The following OR2L13 variants were observed in gnomAD, a reference collection of about 807,000 sequenced individuals.
OR2L13 encodes olfactory receptor family 2 subfamily L member 13.
A neutral mutation model predicts 15.3 loss-of-function variants in OR2L13; 14 were observed. That is an observed-to-expected ratio of 0.91 (90% confidence interval 0.60 to 1.43). The LOEUF (loss-of-function observed/expected upper bound fraction) is 1.43, where lower values mean the gene tolerates loss of function less well. Among genes scored for constraint, OR2L13 ranks in the 40% most tolerant of loss-of-function variants. The pLI, the probability that OR2L13 is intolerant of heterozygous loss-of-function variation, is 0.00. For synonymous variants in OR2L13, 152 were observed against 142.9 expected, an observed-to-expected ratio of 1.06 and a Z score of -0.45; for missense variants, 367 against 387.9, an observed-to-expected ratio of 0.95 and a Z score of 0.45.
the OR2L13 span, among the ~76,000 whole-genome samples, chr1:248,070,854 G>A: frequency 3.3e-5 from 5 of 152,046 alleles, no homozygotes; most frequent in African/African-American, 1.2e-4. Context: ...ACACCTCCAC[G>A]CAAATAGACT....
At chr1:247,976,448 A>G in the OR2L13 span, among the ~76,000 whole-genome samples, 3 of 151,580 alleles carry the variant, frequency 2.0e-5, no homozygotes, top group Non-Finnish European at 3.0e-5. Context: ...TTATTTCCAT[A>G]AAACTTATAC....
the OR2L13 span, among the ~76,000 whole-genome samples, chr1:247,938,272 T>G: frequency 6.6e-6 from 1 of 152,184 alleles, no homozygotes; most frequent in Non-Finnish European, 1.5e-5. Flanking sequence ...AAAAATGTAT[T>G]GCTAAGAGAC....
At chr1:248,001,684 C>T in the OR2L13 span, among the ~76,000 whole-genome samples, 1 of 151,854 alleles carries the variant, frequency 6.6e-6, no homozygotes, top group East Asian at 1.9e-4. Context: ...AGGCTGCTTT[C>T]CTGTCAGGAA....
chr1:247,996,276 C>T, the OR2L13 span, among the ~76,000 whole-genome samples: 8 of 151,712 alleles, frequency 5.3e-5, no homozygotes, highest in East Asian at 1.9e-4. Context: ...TGCTCTTTTA[C>T]AAACATTTGA....
the OR2L13 span, chr1:247,975,432 T>A: frequency 1.4e-6 from 1 of 718,942 alleles, no homozygotes; most frequent in Non-Finnish European, 2.6e-6. Context: ...AGAAGGCCTA[T>A]TCGACCTGTA....
the OR2L13 span, chr1:248,004,073 C>T: frequency 2.5e-6 from 4 of 1,598,260 alleles, no homozygotes; most frequent in Non-Finnish European, 2.6e-6. Context: ...AATGTAGAAA[C>T]ACTTTCTGCC....
At chr1:248,051,488 A>G in the OR2L13 span, among the ~76,000 whole-genome samples, 1 of 152,220 alleles carries the variant, frequency 6.6e-6, no homozygotes, top group African/African-American at 2.4e-5. Context: ...CAAAAACAGA[A>G]TAACAAATAC....
At chr1:248,085,814 A>G in the OR2L13 span, among the ~76,000 whole-genome samples, 3 of 152,168 alleles carry the variant, frequency 2.0e-5, no homozygotes, top group Non-Finnish European at 2.9e-5. Context: ...TTGGATCATC[A>G]GGCATTAGAT....
chr1:248,009,574 A>C, the OR2L13 span, among the ~76,000 whole-genome samples: 1 of 152,208 alleles, frequency 6.6e-6, no homozygotes, highest in South Asian at 2.1e-4. Flanking sequence ...ATGGATTCAC[A>C]GCCGAATTCT....
the OR2L13 span, among the ~76,000 whole-genome samples, chr1:248,043,923 T>C: frequency 6.6e-6 from 1 of 152,210 alleles, no homozygotes; most frequent in Non-Finnish European, 1.5e-5. Context: ...TCAATATTAT[T>C]ATCTTTAAAG....
the OR2L13 span, among the ~76,000 whole-genome samples, chr1:247,992,669 C>T: frequency 6.6e-6 from 1 of 152,152 alleles, no homozygotes; most frequent in African/African-American, 2.4e-5. Flanking sequence ...GATTATGGCC[C>T]CCAGCTCTAT....
At chr1:247,984,751 ATTT>A in the OR2L13 span, among the ~76,000 whole-genome samples, 2 of 152,178 alleles carry the variant, frequency 1.3e-5, no homozygotes, top group Non-Finnish European at 2.9e-5. Context: ...AAACTGCACC[ATTT>A]TAACTATTTT....
the OR2L13 span, among the ~76,000 whole-genome samples, chr1:248,008,061 C>CAGCAAGCTAT: frequency 6.6e-6 from 1 of 152,162 alleles, no homozygotes; most frequent in African/African-American, 2.4e-5. Context: ...TTTCTGCATG[C>CAGCAAGCTAT]AGCAAGCTAT....
the OR2L13 span, among the ~76,000 whole-genome samples, chr1:248,077,689 G>C: frequency 0.15 from 22,771 of 152,000 alleles, 3,215 homozygotes; most frequent in African/African-American, 0.38. Flanking sequence ...GAAAAACTGT[G>C]TAAGTACGAC....
the OR2L13 span, among the ~76,000 whole-genome samples, chr1:248,048,850 T>A: frequency 6.6e-6 from 1 of 152,058 alleles, no homozygotes; most frequent in African/African-American, 2.4e-5. Context: ...TTCAGTCTGA[T>A]TTTTTATAAA....
the OR2L13 span, among the ~76,000 whole-genome samples, chr1:248,079,844 A>C: frequency 6.6e-6 from 1 of 152,210 alleles, no homozygotes; most frequent in Non-Finnish European, 1.5e-5. Flanking sequence ...CCAAAAGAAA[A>C]ACCACAAAAT....
At chr1:247,944,111 A>G in the OR2L13 span, among the ~76,000 whole-genome samples, 9 of 152,040 alleles carry the variant, frequency 5.9e-5, no homozygotes. Context: ...ATCAGAAAGG[A>G]TGAGTCTTTA....
the OR2L13 span, among the ~76,000 whole-genome samples, chr1:248,065,559 T>C: frequency 6.6e-6 from 1 of 150,786 alleles, no homozygotes; most frequent in South Asian, 2.1e-4. Flanking sequence ...GCATTAGGTA[T>C]ATCTCCTAAT....
At chr1:247,995,501 C>A in the OR2L13 span, among the ~76,000 whole-genome samples, 1 of 152,148 alleles carries the variant, frequency 6.6e-6, no homozygotes, top group African/African-American at 2.4e-5. Flanking sequence ...TAGAGTCAGC[C>A]TGCAAAGTGT....
Sources: allele counts gnomAD v4.1 joint callset (sites outside exome capture counted in the v4.1 genomes callset), GRCh38; gene constraint gnomAD v4.1.1; transcripts MANE v1.5; gene names NCBI Gene and HGNC (gene_info 2026-07-23, HGNC 2026-07-21).